The following DLG2 variants were observed in gnomAD, a reference collection of about 807,000 sequenced individuals.
The protein encoded by DLG2 is discs large MAGUK scaffold protein 2, also known as disks large homolog 2.
In DLG2, 45 loss-of-function variants were observed where a neutral mutation model predicts 132.5. That is an observed-to-expected ratio of 0.34 (90% confidence interval 0.27 to 0.44). DLG2 has a LOEUF of 0.44. DLG2 is among the 20% of genes least tolerant of loss of function. DLG2 has a pLI of 1.00. For synonymous variants in DLG2, 424 were observed against 419.6 expected (o/e 1.01, Z -0.13); for missense variants, 1,045 against 1,196.9 (o/e 0.87, Z 1.87).
At chr11:84,673,395 G>A (rs887747427) in intron 6 of DLG2, among the ~76,000 whole-genome samples, 12 of 151,970 alleles carry the variant, frequency 7.9e-5, no homozygotes, top group Non-Finnish European at 1.5e-4. Context: ...ATACAGACCT[G>A]AATTTGAATC....
At position 84,464,975 on chromosome 11, in the gene DLG2, T is replaced by A. The variant is rs77681228; in HGVS notation, c.519+69595A>T. On this transcript the variant is annotated intron_variant, in intron 7 of 27. Coordinates refer to ENST00000376104, the MANE Select transcript of DLG2 (RefSeq NM_001142699.3). ...GTTATAGGTCATGACATATTTATGA[T>A]TCATTGCCAAAACTGACAGAATATT... Among the ~76,000 whole-genome samples the A allele has an allele frequency of 3.4e-3, 514 of 151,350 alleles. 2 individuals are homozygous for A. The highest frequency in any genetic ancestry group is 0.011 in the African/African-American group (476 of 41,432).
At chr11:83,867,659 AC>A (rs1463954414) in intron 16 of DLG2, among the ~76,000 whole-genome samples, 13 of 152,282 alleles carry the variant, frequency 8.5e-5, no homozygotes, top group African/African-American at 3.1e-4. Context: ...ACGTTTGGAA[AC>A]TTCTGTCTGT....
chr11:83,668,682 TGTATATATATGTGTATATAAACAC>T (rs1197037080), intron 18 of DLG2, among the ~76,000 whole-genome samples: 1 of 148,278 alleles, frequency 6.7e-6, no homozygotes, highest in Non-Finnish European at 1.5e-5. Context: ...TATATGTATG[TGTATATATATGTGTATATAAACAC>T]ATATATATGT....
intron 15 of DLG2, among the ~76,000 whole-genome samples, chr11:83,913,494 C>T (rs186097914): frequency 9.0e-4 from 137 of 152,100 alleles, no homozygotes; most frequent in Non-Finnish European, 1.6e-3. Context: ...ATAAGGCAAA[C>T]ATGGAAATCA....
At chr11:85,409,542 A>G (rs548822535) in intron 3 of DLG2, among the ~76,000 whole-genome samples, 1 of 152,056 alleles carries the variant, frequency 6.6e-6, no homozygotes, top group East Asian at 1.9e-4. Flanking sequence ...ACTGCCTAGG[A>G]TTAAGGAGTT....
chr11:84,511,257 C>A (rs943305336), intron 7 of DLG2, among the ~76,000 whole-genome samples: 4 of 151,776 alleles, frequency 2.6e-5, no homozygotes, highest in African/African-American at 9.7e-5. Flanking sequence ...TCTTAAGGTA[C>A]AGTAAAATGT....
chr11:84,004,371 T>C (rs1228879668), intron 11 of DLG2, among the ~76,000 whole-genome samples: 2 of 152,094 alleles, frequency 1.3e-5, no homozygotes, highest in Non-Finnish European at 2.9e-5. Context: ...GAATAAGTAT[T>C]TGAAAAACTG....
rs754162700 is a variant in DLG2, at chr11:83,963,054, C to A, written c.1202-31G>T. On this transcript the variant is annotated intron_variant, in intron 13 of 27. Transcript: ENST00000376104. ...AGGTGGGGGAAAAAGAGAAAAGAAA[C>A]CTGTTATGTGGGTGATTCAATGTGT... 3.7e-6 allele frequency: 6 copies of A among 1,607,566 alleles called. No homozygotes were observed. The East Asian group carries it at 1.1e-4, about 30-fold the overall frequency.
intron 7 of DLG2, among the ~76,000 whole-genome samples, chr11:84,394,033 G>A (rs1157901806): frequency 2.0e-5 from 3 of 151,922 alleles, no homozygotes; most frequent in African/African-American, 4.8e-5. Flanking sequence ...TTACAGGCAT[G>A]CATCAACACG....
chr11:84,268,969 T>C (rs779528283), intron 7 of DLG2, among the ~76,000 whole-genome samples: 1 of 152,210 alleles, frequency 6.6e-6, no homozygotes, highest in Non-Finnish European at 1.5e-5. Flanking sequence ...AAATGAATTA[T>C]ATTTTAAAAC....
chr11:84,522,817 T>A (rs11821202), intron 7 of DLG2, among the ~76,000 whole-genome samples: 9,415 of 152,290 alleles, frequency 0.062, 335 homozygotes, highest in Middle Eastern at 0.1. Flanking sequence ...ATAGCTTCTG[T>A]CCACTAAATG....
chr11:84,708,475 T>C (rs2060012671), intron 6 of DLG2, among the ~76,000 whole-genome samples: 1 of 151,876 alleles, frequency 6.6e-6, no homozygotes, highest in Non-Finnish European at 1.5e-5. Flanking sequence ...ATTTAGTACT[T>C]CTAGTGGAAG....
At chr11:83,715,803 C>A (rs1468118722) in intron 18 of DLG2, among the ~76,000 whole-genome samples, 1 of 152,164 alleles carries the variant, frequency 6.6e-6, no homozygotes, top group Non-Finnish European at 1.5e-5. Flanking sequence ...TGAGAGCTCC[C>A]TCTCCCTGTC....
At chr11:84,399,072 A>C (rs377192132) in intron 7 of DLG2, among the ~76,000 whole-genome samples, 1 of 152,188 alleles carries the variant, frequency 6.6e-6, no homozygotes, top group South Asian at 2.1e-4. Context: ...TTAACAATTA[A>C]TTATCTTAAT....
intron 8 of DLG2, among the ~76,000 whole-genome samples, chr11:84,228,638 A>G (rs1192656657): frequency 6.6e-6 from 1 of 152,246 alleles, no homozygotes; most frequent in African/African-American, 2.4e-5. Flanking sequence ...TGCTGGAAAC[A>G]TTTATCATTT....
chr11:84,196,971 A>C (rs2096527543), intron 8 of DLG2, among the ~76,000 whole-genome samples: 1 of 138,828 alleles, frequency 7.2e-6, no homozygotes, highest in South Asian at 2.5e-4. Context: ...CAGGAGGCAG[A>C]GGTTGCAGTG....
intron 6 of DLG2, among the ~76,000 whole-genome samples, chr11:84,715,010 C>T (rs1023529365): frequency 6.6e-6 from 1 of 151,924 alleles, no homozygotes. Context: ...AGGTAGGTTG[C>T]TTTCTAGAAG....
At chr11:85,223,253 C>T (rs1046120387) in intron 4 of DLG2, among the ~76,000 whole-genome samples, 1 of 152,076 alleles carries the variant, frequency 6.6e-6, no homozygotes, top group Admixed American at 6.6e-5. Context: ...GCAAGACGCA[C>T]CTGCAATAGA....
At position 84,094,482 on chromosome 11, in the gene DLG2, C is replaced by CA. The variant is rs201740846; in HGVS notation, c.749+4440dup. ...GTAAATGTTAGTGTTATTTAACTGT[C>CA]AAAAATATAATTTATGTCTTAGTCT... On this transcript the variant is annotated intron_variant, in intron 10 of 27. Coordinates refer to ENST00000376104, the MANE Select transcript of DLG2 (RefSeq NM_001142699.3). 5.4e-3 allele frequency among the ~76,000 whole-genome samples: 823 copies of CA among 152,098 alleles called. 8 individuals are homozygous for CA. Among genetic ancestry groups the CA allele is most frequent in the African/African-American group, 0.019 (775 of 41,502 alleles).
Sources: gnomAD v4.1 joint callset for allele counts (sites outside exome capture counted in the v4.1 genomes callset) on GRCh38, gnomAD v4.1.1 for gene constraint, MANE v1.5 for transcripts, NCBI Gene and HGNC (gene_info 2026-07-23, HGNC 2026-07-21) for gene names.